LRRC40: variants seen among roughly 807,000 people sequenced by gnomAD.
The protein encoded by LRRC40 is leucine-rich repeat-containing protein 40.
In LRRC40, 76 loss-of-function variants were observed where a neutral mutation model predicts 72.8. The ratio of observed to expected loss-of-function variants is 1.04; its 90% confidence interval spans 0.87 to 1.26. The LOEUF (loss-of-function observed/expected upper bound fraction) is 1.26, where lower values mean the gene tolerates loss of function less well. Among genes scored for constraint, LRRC40 ranks in the 50% most tolerant of loss-of-function variants. The pLI, the probability that LRRC40 is intolerant of heterozygous loss-of-function variation, is 0.00. For missense variants in LRRC40, 684 were observed against 698.9 expected (o/e 0.98, Z 0.24); for synonymous variants, 243 against 254.2 (o/e 0.96, Z 0.42).
intron 9 of LRRC40, among the ~76,000 whole-genome samples, chr1:70,167,390 T>C (rs1431107621): frequency 1.3e-5 from 2 of 151,654 alleles, no homozygotes; most frequent in Admixed American, 6.6e-5. Flanking sequence ...CAAAAACCCA[T>C]CTATACTAAA....
chr1:70,191,851 T>G (rs1050409800), intron 1 of LRRC40, among the ~76,000 whole-genome samples: 1 of 152,154 alleles, frequency 6.6e-6, no homozygotes, highest in African/African-American at 2.4e-5. Context: ...TATAAAAAAT[T>G]TCAAACATAT....
chr1:70,192,106 G>C (rs958746356), intron 1 of LRRC40, among the ~76,000 whole-genome samples: 1 of 152,072 alleles, frequency 6.6e-6, no homozygotes, highest in South Asian at 2.1e-4. Flanking sequence ...CATGAGCATA[G>C]GCTGTTTTTC....
At chr1:70,195,690 G>C (rs1205614560) in intron 1 of LRRC40, among the ~76,000 whole-genome samples, 1 of 152,190 alleles carries the variant, frequency 6.6e-6, no homozygotes, top group Non-Finnish European at 1.5e-5. Flanking sequence ...CTGGAGAGCA[G>C]TGGCGCAGTC....
At chr1:70,156,033 A>T (rs1667629881) in intron 10 of LRRC40, among the ~76,000 whole-genome samples, 1 of 152,082 alleles carries the variant, frequency 6.6e-6, no homozygotes, top group Non-Finnish European at 1.5e-5. Context: ...GCATTCATAT[A>T]CTCAATGTGA....
chr1:70,190,107 G>C (rs1474054717), intron 1 of LRRC40, among the ~76,000 whole-genome samples: 1 of 152,188 alleles, frequency 6.6e-6, no homozygotes, highest in Non-Finnish European at 1.5e-5. Context: ...CTGTAGTGTT[G>C]TAGCAAAACT....
At chr1:70,165,945 A>C (rs1667872229) in intron 9 of LRRC40, among the ~76,000 whole-genome samples, 1 of 152,182 alleles carries the variant, frequency 6.6e-6, no homozygotes. Flanking sequence ...ATTACCTATA[A>C]ATAATAAAGT....
chr1:70,188,113 C>A (rs999499208), intron 2 of LRRC40, among the ~76,000 whole-genome samples: 6 of 151,984 alleles, frequency 3.9e-5, no homozygotes, highest in Admixed American at 1.3e-4. Context: ...GTAGAAAGAA[C>A]CTTAGAGTAA....
In LRRC40 at chr1:70,152,451, A is replaced by G; in HGVS notation, c.1421T>C (p.Leu474Ser). 6.3e-7 allele frequency: 1 copy of G among 1,579,664 alleles called. No individual in the cohort carries two copies. Residue 474 changes from leucine (L) to serine (S), a missense_variant, in exon 12 of 15, where the codon TTG becomes TCG. Coordinates refer to ENST00000370952, the MANE Select transcript of LRRC40 (RefSeq NM_017768.5). Reference sequence around the variant, plus strand: ...TAAATACCTGAGATCTAAAAAAGTCAATTTCTGAAGCACACATAACTCCAA... The same window carrying G: ...TAAATACCTGAGATCTAAAAAAGTCGATTTCTGAAGCACACATAACTCCAA... ...ISLELCVLQK[L>S]TFLDLRNNFL...
chr1:70,203,291 T>C (rs1311883093), intron 1 of LRRC40, among the ~76,000 whole-genome samples: 1 of 152,248 alleles, frequency 6.6e-6, no homozygotes, highest in African/African-American at 2.4e-5. Flanking sequence ...ACCTATACCG[T>C]ATCTTCTGGG....
At chr1:70,172,058 C>T (rs1668010898) in intron 9 of LRRC40, among the ~76,000 whole-genome samples, 1 of 152,050 alleles carries the variant, frequency 6.6e-6, no homozygotes, top group Admixed American at 6.6e-5. Context: ...AGAGGTAGGG[C>T]CTTTGTAAAG....
intron 1 of LRRC40, among the ~76,000 whole-genome samples, chr1:70,201,206 A>T (rs151188770): frequency 6.6e-6 from 1 of 152,156 alleles, no homozygotes; most frequent in African/African-American, 2.4e-5. Flanking sequence ...TTGAATGTAA[A>T]TCATAATTTG....
At chr1:70,154,364 G>T (rs1430523948) in intron 11 of LRRC40, among the ~76,000 whole-genome samples, 2 of 152,158 alleles carry the variant, frequency 1.3e-5, no homozygotes, top group African/African-American at 4.8e-5. Flanking sequence ...GAGCCAGATA[G>T]TGAGATAAAA....
At chr1:70,171,455 T>C (rs1667997965) in intron 9 of LRRC40, among the ~76,000 whole-genome samples, 1 of 151,166 alleles carries the variant, frequency 6.6e-6, no homozygotes, top group African/African-American at 2.4e-5. Flanking sequence ...AACAAAGGAT[T>C]TGTATCTAAA....
Position 70,145,794 on chromosome 1 carries a change from T to TC in LRRC40, c.*5dup. 1 of 1,486,708 alleles carries TC rather than the reference T, an allele frequency of 6.7e-7. No homozygotes were observed. Among genetic ancestry groups the TC allele is most frequent in the Non-Finnish European group, 9.4e-7 (1 of 1,065,408 alleles). The allele number at this position is 1,486,708 out of a possible 1,614,324, so 92.1% of individuals were successfully genotyped here. A position where few individuals can be genotyped will look rare whatever the true frequency, so the allele number is the denominator to read the frequency against. ...TACATGACAAGGGTTATAAAGCAAC[T>TC]CCATGTTAAGTAGGAATTCGGTCTC... On this transcript the variant is annotated 3_prime_UTR_variant, in exon 15 of 15. Coordinates refer to ENST00000370952, the MANE Select transcript of LRRC40 (RefSeq NM_017768.5).
chr1:70,177,189 T>G (rs943987110), intron 6 of LRRC40, among the ~76,000 whole-genome samples: 1 of 152,104 alleles, frequency 6.6e-6, no homozygotes, highest in African/African-American at 2.4e-5. Context: ...GGCAGGAGAA[T>G]CACTTGAACT....
At position 70,187,411 on chromosome 1, in the gene LRRC40, C is replaced by T; in HGVS notation, c.334-73G>A. ...ACAATATATAAGCTTTGCCAGTGTA[C>T]AAAACTATTAGTCAGTAATCTCCTG... On this transcript the variant is annotated intron_variant, in intron 2 of 14. Transcript: ENST00000370952. 2.7e-6 allele frequency: 2 copies of T among 734,956 alleles called. 1 individual carries two copies. Among genetic ancestry groups the T allele is most frequent in the South Asian group, 3.4e-5 (2 of 58,744 alleles). 45.5% of individuals were successfully genotyped at this position (734,956 alleles called of 1,614,324 possible). A position where few individuals can be genotyped will look rare whatever the true frequency, so the allele number is the denominator to read the frequency against.
In LRRC40 at chr1:70,193,861, T is replaced by C. The variant is rs368677305; in HGVS notation, c.152-4588A>G. Among the ~76,000 whole-genome samples the C allele has an allele frequency of 5.3e-5, 8 of 152,116 alleles. No homozygotes were observed. In the South Asian group the frequency reaches 6.2e-4, roughly 12 times the overall value. On this transcript the variant is annotated intron_variant, in intron 1 of 14. Transcript: ENST00000370952. ...AAAAATGAGAAATACTATGTGATTG[T>C]TGAGATACAAAAAAAGCATCTGACA...
chr1:70,181,012 A>C, intron 5 of LRRC40, 74 bp downstream of exon 5: 2 of 1,115,350 alleles, frequency 1.8e-6, no homozygotes, highest in Non-Finnish European at 2.5e-6. Context: ...CTGTAACTAT[A>C]TTAAAAATTA....
At chr1:70,183,382 A>G (rs1300181547) in intron 4 of LRRC40, among the ~76,000 whole-genome samples, 1 of 152,028 alleles carries the variant, frequency 6.6e-6, no homozygotes, top group African/African-American at 2.4e-5. Flanking sequence ...CTGCAGTGGA[A>G]TCTTATTCCT....
Sources: gnomAD v4.1 joint callset for allele counts (sites outside exome capture counted in the v4.1 genomes callset) on GRCh38, gnomAD v4.1.1 for gene constraint, MANE v1.5 for transcripts, NCBI Gene and HGNC (gene_info 2026-07-23, HGNC 2026-07-21) for gene names.